The following RUNDC3B variants were observed in gnomAD, a reference collection of about 807,000 sequenced individuals.
RUNDC3B encodes the protein RUN domain containing 3B.
RUNDC3B carries 33 observed loss-of-function variants against 58.4 expected under a neutral mutation model. That is an observed-to-expected ratio of 0.56 (90% CI 0.43 to 0.75). The LOEUF is 0.75. RUNDC3B is among the 30% of genes least tolerant of loss of function. RUNDC3B has a pLI of 0.00. For missense variants in RUNDC3B, 501 were observed against 535.7 expected (o/e 0.94, Z 0.64); for synonymous variants, 193 against 195.2 (o/e 0.99, Z 0.10).
chr7:87,652,242 C>T (rs1056854754), intron 2 of RUNDC3B, among the ~76,000 whole-genome samples: 3 of 152,028 alleles, frequency 2.0e-5, no homozygotes, highest in Non-Finnish European at 4.4e-5. Context: ...ATATGATTCT[C>T]TCACAAAAAC....
At chr7:87,791,609 TTG>T (rs1232520167) in intron 8 of RUNDC3B, among the ~76,000 whole-genome samples, 1 of 151,510 alleles carries the variant, frequency 6.6e-6, no homozygotes. Context: ...TAGTTTTTGC[TTG>T]TGTGTGTGTG....
intron 6 of RUNDC3B, among the ~76,000 whole-genome samples, chr7:87,767,724 A>G (rs1039599133): frequency 2.0e-5 from 3 of 152,256 alleles, no homozygotes; most frequent in Non-Finnish European, 4.4e-5. Context: ...CAGCCCCAAC[A>G]TATGGCGGGG....
At chr7:87,715,092 A>T (rs1830438756) in intron 4 of RUNDC3B, among the ~76,000 whole-genome samples, 1 of 150,376 alleles carries the variant, frequency 6.6e-6, no homozygotes, top group Non-Finnish European at 1.5e-5. Flanking sequence ...GTGAGCAAAA[A>T]GTTTGACTTA....
chr7:87,722,072 G>C (rs1830934884), intron 4 of RUNDC3B, among the ~76,000 whole-genome samples: 1 of 151,004 alleles, frequency 6.6e-6, no homozygotes, highest in Non-Finnish European at 1.5e-5. Flanking sequence ...CCTTCTGCCT[G>C]TCTTTCCTTT....
In RUNDC3B at chr7:87,744,816, C is replaced by G. The variant is rs185678876; in HGVS notation, c.629+3237C>G. ...CGATGTGGATGCTCTTTATTTCTTT[C>G]TCCTGATTGCTCTAGCTAGGACTTC... On this transcript the variant is annotated intron_variant, in intron 6 of 10. Transcript: ENST00000394654. Among the ~76,000 whole-genome samples, 610 of 152,098 alleles carry G rather than the reference C, an allele frequency of 4.0e-3. 3 individuals are homozygous for G. The highest frequency in any genetic ancestry group is 0.014 in the African/African-American group (583 of 41,526).
chr7:87,661,604 T>A (rs1182886221), intron 2 of RUNDC3B, among the ~76,000 whole-genome samples: 1 of 151,998 alleles, frequency 6.6e-6, no homozygotes, highest in African/African-American at 2.4e-5. Context: ...AGGATCTCAT[T>A]TTTTTATGGC....
In RUNDC3B at chr7:87,647,310, T is replaced by C. The variant is rs201931703; in HGVS notation, c.123-3512T>C. Among the ~76,000 whole-genome samples the C allele has an allele frequency of 2.0e-5, 3 of 152,212 alleles. No individual in the cohort carries two copies. In the East Asian group the frequency reaches 5.8e-4, roughly 29 times the overall value. On this transcript the variant is annotated intron_variant, in intron 1 of 10. Coordinates refer to ENST00000394654, the MANE Select transcript of RUNDC3B (RefSeq NM_001134405.2). ...TTTCCATTCTCTTTTGTTGTTGTTA[T>C]TGTCATTTTCTTTGTCTTTTTTATT...
intron 4 of RUNDC3B, among the ~76,000 whole-genome samples, chr7:87,735,908 T>A (rs532318076): frequency 1.3e-5 from 2 of 152,308 alleles, no homozygotes; most frequent in South Asian, 4.1e-4. Flanking sequence ...ATCTAACTTA[T>A]TTACCATTGT....
chr7:87,726,620 T>A (rs569723039), intron 4 of RUNDC3B, among the ~76,000 whole-genome samples: 2 of 152,210 alleles, frequency 1.3e-5, no homozygotes, highest in Non-Finnish European at 2.9e-5. Flanking sequence ...TTTTTCCAAT[T>A]CTGTGAAGAA....
chr7:87,690,348 A>G (rs1202405577), intron 2 of RUNDC3B, among the ~76,000 whole-genome samples: 1 of 152,016 alleles, frequency 6.6e-6, no homozygotes, highest in African/African-American at 2.4e-5. Context: ...TCTTTTCTTT[A>G]AAGTTATGAC....
intron 4 of RUNDC3B, among the ~76,000 whole-genome samples, chr7:87,717,206 A>G (rs1338665249): frequency 6.6e-6 from 1 of 152,206 alleles, no homozygotes; most frequent in Non-Finnish European, 1.5e-5. Context: ...GGTATTCTAT[A>G]TCAGGACACC....
intron 10 of RUNDC3B, among the ~76,000 whole-genome samples, chr7:87,828,010 T>C (rs1837921600): frequency 6.6e-6 from 1 of 152,048 alleles, no homozygotes; most frequent in Non-Finnish European, 1.5e-5. Flanking sequence ...AATAAATGTA[T>C]AAAGTAAAAT....
chr7:87,733,261 G>A (rs1831705903), intron 4 of RUNDC3B, among the ~76,000 whole-genome samples: 1 of 152,170 alleles, frequency 6.6e-6, no homozygotes, highest in South Asian at 2.1e-4. Context: ...TCCATTCATA[G>A]GCTCTCTGCA....
chr7:87,659,650 T>C (rs570900982), intron 2 of RUNDC3B, among the ~76,000 whole-genome samples: 1 of 152,272 alleles, frequency 6.6e-6, no homozygotes, highest in South Asian at 2.1e-4. Context: ...ATAGTGTAGA[T>C]ACAGTTTGCT....
At chr7:87,630,814 G>A (rs1821140545) in intron 1 of RUNDC3B, among the ~76,000 whole-genome samples, 1 of 151,520 alleles carries the variant, frequency 6.6e-6, no homozygotes, top group African/African-American at 2.4e-5. Flanking sequence ...GCTGGCTTTA[G>A]GTCATGTAAT....
At chr7:87,813,526 TATG>T (rs1434079783) in intron 9 of RUNDC3B, among the ~76,000 whole-genome samples, 1 of 152,154 alleles carries the variant, frequency 6.6e-6, no homozygotes, top group Non-Finnish European at 1.5e-5. Context: ...CAAGTTTTCT[TATG>T]ATGAAAAATC....
rs148878649 is a variant in RUNDC3B at position 87,687,133 on chromosome 7, A to G, written c.239-13288A>G. On this transcript the variant is annotated intron_variant, in intron 2 of 10. Transcript: ENST00000394654. ...TGGCTTGCTGACTCACATTCAGTTT[A>G]GATTTTATATTGATTCTTAATATTT... is the stretch of plus-strand genomic sequence containing the variant. Among the ~76,000 whole-genome samples, 4 of 152,264 alleles carry G rather than the reference A, an allele frequency of 2.6e-5. No individual in the cohort carries two copies. In the East Asian group the frequency reaches 7.7e-4, roughly 29 times the overall value.
chr7:87,686,857 G>A (rs1302773161), intron 2 of RUNDC3B, among the ~76,000 whole-genome samples: 2 of 150,686 alleles, frequency 1.3e-5, no homozygotes, highest in Non-Finnish European at 3.0e-5. Context: ...AGGTGGGAGG[G>A]TCACCTGAGC....
chr7:87,776,441 C>A (rs1258139536), intron 7 of RUNDC3B, among the ~76,000 whole-genome samples: 1 of 151,868 alleles, frequency 6.6e-6, no homozygotes, highest in Non-Finnish European at 1.5e-5. Flanking sequence ...AGGATATTGA[C>A]AAAACCAAGC....
Sources: allele counts gnomAD v4.1 joint callset (sites outside exome capture counted in the v4.1 genomes callset), GRCh38; gene constraint gnomAD v4.1.1; transcripts MANE v1.5; gene names NCBI Gene and HGNC (gene_info 2026-07-23, HGNC 2026-07-21).